Variants in METTL15 observed in about 807,000 individuals in gnomAD.
METTL15 encodes methyltransferase 15, mitochondrial 12S rRNA N4-cytidine.
A neutral mutation model predicts 38.3 loss-of-function variants in METTL15; 34 were observed. The observed-to-expected ratio is 0.89, with a 90% CI of 0.68 to 1.18. The LOEUF (loss-of-function observed/expected upper bound fraction) is 1.18. METTL15 is among the 50% of genes most tolerant of loss of function. The pLI, the probability that METTL15 is intolerant of heterozygous loss-of-function variation, is 0.00. For synonymous variants in METTL15, 162 were observed against 170.9 expected, an observed-to-expected ratio of 0.95 and a Z score of 0.41; for missense variants, 438 against 498.4, an observed-to-expected ratio of 0.88 and a Z score of 1.15.
chr11:28,490,328 C>G (rs950906182), intron 6 of METTL15, among the ~76,000 whole-genome samples: 1 of 152,122 alleles, frequency 6.6e-6, no homozygotes, highest in Admixed American at 6.6e-5. Flanking sequence ...GCTAAATGTT[C>G]CTTGTAGCTG....
intron 6 of METTL15, among the ~76,000 whole-genome samples, chr11:28,432,105 CTT>C (rs975613370): frequency 6.6e-6 from 1 of 152,146 alleles, no homozygotes; most frequent in Admixed American, 6.5e-5. Context: ...TGGAGAATAC[CTT>C]TGTGTGCCAT....
At chr11:28,138,963 C>CT (rs1849607111) in intron 3 of METTL15, among the ~76,000 whole-genome samples, 1 of 152,124 alleles carries the variant, frequency 6.6e-6, no homozygotes, top group East Asian at 1.9e-4. Context: ...CTCACAAATC[C>CT]TTTTTTCCAT....
chr11:28,179,764 C>T (rs1851216030), intron 3 of METTL15, among the ~76,000 whole-genome samples: 2 of 151,702 alleles, frequency 1.3e-5, no homozygotes, highest in Admixed American at 6.6e-5. Context: ...CATAGGCACT[C>T]GTTTTCCAGG....
chr11:28,398,881 AT>A (rs1470461061), intron 5 of METTL15: 1 of 152,042 alleles, frequency 6.6e-6, no homozygotes, highest in Non-Finnish European at 1.5e-5. Flanking sequence ...TGCCCAAGTA[AT>A]TTATAGATTC....
chr11:28,117,375 G>A (rs1296227832), intron 3 of METTL15, among the ~76,000 whole-genome samples: 1 of 150,400 alleles, frequency 6.6e-6, no homozygotes, highest in East Asian at 1.9e-4. Context: ...ACTAAAAACC[G>A]AAGCACATTG....
chr11:28,238,206 G>A (rs1210909030), intron 4 of METTL15, among the ~76,000 whole-genome samples: 2 of 152,230 alleles, frequency 1.3e-5, no homozygotes, highest in South Asian at 4.1e-4. Context: ...CCTGCCCCCA[G>A]AGGTGGAGCC....
chr11:28,317,264 C>T (rs1857512944), intron 6 of METTL15, among the ~76,000 whole-genome samples: 1 of 152,126 alleles, frequency 6.6e-6, no homozygotes, highest in Admixed American at 6.6e-5. Context: ...CTGAGTAAAG[C>T]CAATTTTCTC....
chr11:28,464,080 G>A (rs1015300075), intron 6 of METTL15, among the ~76,000 whole-genome samples: 3 of 152,036 alleles, frequency 2.0e-5, no homozygotes, highest in Non-Finnish European at 4.4e-5. Flanking sequence ...AATCGTGTTT[G>A]ATTACATTTT....
rs1262782465 is a variant in METTL15, at chr11:28,430,631, C to T, written c.*424+6267C>T. ...CAGCCCTCCGCCCGGCCAGCCACCCCGTCTGGGAGGTGAGGGGCGCCTCTG... is the reference window on the plus strand; with the variant it reads ...CAGCCCTCCGCCCGGCCAGCCACCCTGTCTGGGAGGTGAGGGGCGCCTCTG... On this transcript the variant is annotated intron_variant and NMD_transcript_variant, in intron 6 of 7. Coordinates refer to the METTL15 transcript ENST00000532947. Among the ~76,000 whole-genome samples the T allele has an allele frequency of 4.9e-4, 31 of 63,320 alleles. 1 individual carries two copies. Among genetic ancestry groups the T allele is most frequent in the Non-Finnish European group, 7.7e-4 (23 of 30,012 alleles). 41.5% of individuals were successfully genotyped at this position (63,320 alleles called of 152,430 possible). A position where few individuals can be genotyped will look rare whatever the true frequency, so the allele number is the denominator to read the frequency against.
At chr11:28,469,003 G>A (rs1460030263) in intron 6 of METTL15, among the ~76,000 whole-genome samples, 2 of 152,060 alleles carry the variant, frequency 1.3e-5, no homozygotes, top group African/African-American at 4.8e-5. Flanking sequence ...AAAAGCTCCA[G>A]GGCCTTTTAA....
chr11:28,412,914 G>T (rs1375548339), intron 5 of METTL15, among the ~76,000 whole-genome samples: 4 of 151,866 alleles, frequency 2.6e-5, no homozygotes, highest in African/African-American at 9.7e-5. Flanking sequence ...ATATACAATA[G>T]TAACTATGTG....
intron 6 of METTL15, among the ~76,000 whole-genome samples, chr11:28,501,659 C>CA (rs1429717122): frequency 6.6e-6 from 1 of 152,128 alleles, no homozygotes; most frequent in Non-Finnish European, 1.5e-5. Flanking sequence ...TGAGTTTTGC[C>CA]AGCTGCAAAC....
intron 6 of METTL15, among the ~76,000 whole-genome samples, chr11:28,305,051 C>A (rs1340251977): frequency 6.6e-6 from 1 of 152,100 alleles, no homozygotes; most frequent in Non-Finnish European, 1.5e-5. Flanking sequence ...TCAAATTTCT[C>A]GAACTCAATC....
intron 6 of METTL15, among the ~76,000 whole-genome samples, chr11:28,445,346 G>C (rs1244283312): frequency 2.0e-5 from 3 of 152,114 alleles, no homozygotes; most frequent in Non-Finnish European, 4.4e-5. Flanking sequence ...GTGTGTGTAT[G>C]TGTGTGTGTT....
Position 28,291,325 on chromosome 11 carries a change from C to T in METTL15, c.599+928C>T, listed in dbSNP as rs184962245. ...CCTCCCAAAATGCTGGGATTATAGGCGTGAGCCACCATTACCGGCCAACAA... is the reference window on the plus strand; with the variant it reads ...CCTCCCAAAATGCTGGGATTATAGGTGTGAGCCACCATTACCGGCCAACAA... On this transcript the variant is annotated intron_variant, in intron 5 of 6. Coordinates refer to ENST00000407364, the MANE Select transcript of METTL15 (RefSeq NM_001113528.2). Among the ~76,000 whole-genome samples the T allele has an allele frequency of 2.8e-4, 42 of 152,148 alleles. 1 individual carries two copies. The highest frequency in any genetic ancestry group is 9.4e-4 in the African/African-American group (39 of 41,548).
intron 6 of METTL15, among the ~76,000 whole-genome samples, chr11:28,321,899 C>T (rs1287954058): frequency 6.6e-6 from 1 of 151,712 alleles, no homozygotes; most frequent in Non-Finnish European, 1.5e-5. Flanking sequence ...AGAAGCAGAT[C>T]CATCTGTATA....
At chr11:28,491,771 T>C (rs188599230) in intron 6 of METTL15, among the ~76,000 whole-genome samples, 2 of 152,238 alleles carry the variant, frequency 1.3e-5, no homozygotes, top group East Asian at 3.9e-4. Context: ...CAAATACCTT[T>C]TAAATTATAA....
At chr11:28,123,839 C>A in intron 3 of METTL15, 4 of 1,398,056 alleles carry the variant, frequency 2.9e-6, no homozygotes, top group Non-Finnish European at 3.9e-6. Flanking sequence ...TCTTTTGTTA[C>A]ATGTATTTTT....
intron 3 of METTL15, among the ~76,000 whole-genome samples, chr11:28,199,949 G>A (rs1268017907): frequency 2.0e-5 from 3 of 151,850 alleles, no homozygotes; most frequent in Admixed American, 1.3e-4. Context: ...TCACCATGTT[G>A]GTCAGGCTGG....
Sources: allele counts gnomAD v4.1 joint callset (sites outside exome capture counted in the v4.1 genomes callset), GRCh38; gene constraint gnomAD v4.1.1; transcripts MANE v1.5; gene names NCBI Gene and HGNC (gene_info 2026-07-23, HGNC 2026-07-21).